The following ANKS1B variants were observed in gnomAD, a reference collection of about 807,000 sequenced individuals.
ANKS1B encodes the protein ankyrin repeat and sterile alpha motif domain-containing protein 1B.
In ANKS1B, 36 loss-of-function variants were observed where a neutral mutation model predicts 148.3. The ratio of observed to expected loss-of-function variants is 0.24; its 90% CI spans 0.19 to 0.32. The LOEUF (loss-of-function observed/expected upper bound fraction) is 0.32, where lower values mean the gene tolerates loss of function less well. Among genes scored for constraint, ANKS1B ranks in the 10% least tolerant of loss-of-function variants. The pLI is 1.00. For synonymous variants in ANKS1B, 542 were observed against 560.8 expected (o/e 0.97, Z 0.47); for missense variants, 1,157 against 1,542.6 (o/e 0.75, Z 4.19).
intron 17 of ANKS1B, among the ~76,000 whole-genome samples, chr12:98,854,707 CA>C (rs2099552810): frequency 6.6e-6 from 1 of 152,198 alleles, no homozygotes; most frequent in South Asian, 2.1e-4. Context: ...GGCAGGATAG[CA>C]TTGCAGAAAT....
intron 4 of ANKS1B, among the ~76,000 whole-genome samples, chr12:99,802,618 A>G (rs1357582529): frequency 1.3e-5 from 2 of 152,194 alleles, no homozygotes; most frequent in East Asian, 3.8e-4. Context: ...TGCTGCATTT[A>G]AAAACATATG....
intron 8 of ANKS1B, among the ~76,000 whole-genome samples, chr12:99,692,268 T>C (rs912564425): frequency 1.3e-5 from 2 of 152,068 alleles, no homozygotes; most frequent in East Asian, 1.9e-4. Flanking sequence ...CCGGTGAGAA[T>C]TGAAGAAGGC....
chr12:98,734,910 A>G, exon 10 of ANKS1B: 1 of 333,498 alleles, frequency 3.0e-6, no homozygotes, highest in Non-Finnish European at 5.4e-6. Flanking sequence ...AAGTATAACA[A>G]CACACATCAG....
chr12:98,861,554 A>G (rs778621912), intron 17 of ANKS1B, among the ~76,000 whole-genome samples: 1 of 152,238 alleles, frequency 6.6e-6, no homozygotes, highest in Non-Finnish European at 1.5e-5. Flanking sequence ...TAATGTGATC[A>G]ATTAACAATG....
chr12:99,236,921 G>A (rs1379092896), intron 14 of ANKS1B, among the ~76,000 whole-genome samples: 3 of 152,136 alleles, frequency 2.0e-5, no homozygotes, highest in African/African-American at 7.2e-5. Context: ...GACACACAGA[G>A]GGGAACAACA....
chr12:99,138,935 C>T (rs1014464775), intron 15 of ANKS1B, among the ~76,000 whole-genome samples: 6 of 147,220 alleles, frequency 4.1e-5, no homozygotes, highest in Non-Finnish European at 7.4e-5. Flanking sequence ...CTCCCTTTCT[C>T]TCTTTCTTTT....
chr12:99,729,773 C>T (rs1001026521), intron 8 of ANKS1B, among the ~76,000 whole-genome samples: 1 of 152,172 alleles, frequency 6.6e-6, no homozygotes, highest in Admixed American at 6.5e-5. Context: ...CCCACCCCTG[C>T]TCTAAGCTTG....
intron 14 of ANKS1B, among the ~76,000 whole-genome samples, chr12:99,159,068 A>G (rs1398281893): frequency 6.6e-6 from 1 of 152,156 alleles, no homozygotes; most frequent in African/African-American, 2.4e-5. Flanking sequence ...TATAGGGTAG[A>G]GGTTCCATGC....
chr12:99,798,977 T>C (rs971920540), intron 4 of ANKS1B, among the ~76,000 whole-genome samples: 4 of 152,058 alleles, frequency 2.6e-5, no homozygotes, highest in African/African-American at 2.4e-5. Flanking sequence ...CTTTCCACTA[T>C]TTAAAAACAA....
intron 1 of ANKS1B, among the ~76,000 whole-genome samples, chr12:99,951,878 T>TTTAA (rs901555152): frequency 6.6e-6 from 1 of 152,274 alleles, no homozygotes. Context: ...AGCGAGACTC[T>TTTAA]TTAATTAATT....
intron 12 of ANKS1B, among the ~76,000 whole-genome samples, chr12:99,369,792 G>GATAGATA (rs773691960): frequency 4.5e-4 from 31 of 68,518 alleles, no homozygotes; most frequent in East Asian, 3.6e-3. Context: ...ATAGATAGAT[G>GATAGATA]GACGGACGGA....
Position 99,285,720 on chromosome 12 carries a change from T to TGTGTG in ANKS1B, c.1757-38861_1757-38857dup, listed in dbSNP as rs566266519. On this transcript the variant is annotated intron_variant, in intron 12 of 26. Transcript: ENST00000683438. ...CCCTCCCTCATCCCCTGGCAGTGAC[T>TGTGTG]GTGTGGCATGGAGAGAGAATCTGTG... Among the ~76,000 whole-genome samples, 3 of 152,126 alleles carry TGTGTG rather than the reference T, an allele frequency of 2.0e-5. No individual in the cohort carries two copies. The South Asian group carries it at 6.2e-4, about 32-fold the overall frequency.
At chr12:99,708,782 C>T (rs947846214) in intron 8 of ANKS1B, among the ~76,000 whole-genome samples, 2 of 152,140 alleles carry the variant, frequency 1.3e-5, no homozygotes. Flanking sequence ...ATTCACATCA[C>T]ATCTGCAAAG....
chr12:99,961,368 A>G (rs973499119), intron 1 of ANKS1B, among the ~76,000 whole-genome samples: 1 of 152,328 alleles, frequency 6.6e-6, no homozygotes, highest in South Asian at 2.1e-4. Flanking sequence ...AAAGTTCACA[A>G]AATCGCTGAG....
At chr12:99,228,839 G>T (rs2086375390) in intron 14 of ANKS1B, among the ~76,000 whole-genome samples, 1 of 151,836 alleles carries the variant, frequency 6.6e-6, no homozygotes, top group South Asian at 2.1e-4. Flanking sequence ...TTCACAAACA[G>T]TATTCACTTA....
intron 12 of ANKS1B, among the ~76,000 whole-genome samples, chr12:99,291,410 A>G (rs905729870): frequency 6.6e-6 from 1 of 152,172 alleles, no homozygotes; most frequent in African/African-American, 2.4e-5. Context: ...ATTATATGGA[A>G]CCACAAAAGA....
intron 14 of ANKS1B, among the ~76,000 whole-genome samples, chr12:99,170,555 C>A (rs1287179894): frequency 1.3e-5 from 2 of 152,178 alleles, no homozygotes; most frequent in Non-Finnish European, 2.9e-5. Context: ...GTTATCTTTA[C>A]TGCCAGTAAA....
chr12:99,361,603 G>C (rs2092467177), intron 12 of ANKS1B, among the ~76,000 whole-genome samples: 1 of 152,022 alleles, frequency 6.6e-6, no homozygotes, highest in African/African-American at 2.4e-5. Context: ...CAACCTTCTA[G>C]CAGTGTTGTC....
chr12:99,744,130 C>T (rs149146160), intron 8 of ANKS1B, among the ~76,000 whole-genome samples: 1 of 152,060 alleles, frequency 6.6e-6, no homozygotes, highest in East Asian at 1.9e-4. Flanking sequence ...TGAAAGATGA[C>T]TATATCTGGA....
Sources: gnomAD v4.1 joint callset for allele counts (sites outside exome capture counted in the v4.1 genomes callset) on GRCh38, gnomAD v4.1.1 for gene constraint, MANE v1.5 for transcripts, NCBI Gene and HGNC (gene_info 2026-07-23, HGNC 2026-07-21) for gene names.